Variants in COL27A1 observed in about 807,000 individuals in gnomAD.
COL27A1 encodes collagen alpha-1(XXVII) chain.
Under a neutral mutation model 251.3 loss-of-function variants are expected in COL27A1, and 106 were observed. That is an observed-to-expected ratio of 0.42 (90% CI 0.36 to 0.50). The LOEUF is 0.50. Among genes scored for constraint, COL27A1 ranks in the 20% least tolerant of loss-of-function variants. The pLI is 0.00. For missense variants in COL27A1, 2,325 were observed against 2,522.8 expected, an observed-to-expected ratio of 0.92 and a Z score of 1.68; for synonymous variants, 1,000 against 986.3, an observed-to-expected ratio of 1.01 and a Z score of -0.26.
At chr9:114,285,714 G>T (rs1010271582) in intron 41 of COL27A1, among the ~76,000 whole-genome samples, 11 of 152,244 alleles carry the variant, frequency 7.2e-5, no homozygotes, top group African/African-American at 2.7e-4. Context: ...GGAAGCCACA[G>T]AAGGTGCCAC....
At chr9:114,224,818 A>G (rs1831360193) in intron 14 of COL27A1, among the ~76,000 whole-genome samples, 1 of 151,720 alleles carries the variant, frequency 6.6e-6, no homozygotes, top group Admixed American at 6.6e-5. Flanking sequence ...ATGCCCAGCT[A>G]ATTTTAGTAT....
chr9:114,266,631 G>T lies in COL27A1; in HGVS notation c.3447+13G>T, dbSNP rs749545114. ...GATGGGACCCAAGGTGAGTGTGAGA[G>T]ACCCTTATTCGTCCCATGATGCTGC... is the stretch of plus-strand genomic sequence containing the variant. On this transcript the variant is annotated intron_variant, in intron 33 of 60. Transcript: ENST00000356083. 6.2e-7 allele frequency: 1 copy of T among 1,612,536 alleles called. No homozygotes were observed. Among genetic ancestry groups the T allele is most frequent in the Non-Finnish European group, 8.5e-7 (1 of 1,178,632 alleles).
intron 5 of COL27A1, among the ~76,000 whole-genome samples, chr9:114,187,770 T>G (rs1452139012): frequency 2.6e-5 from 4 of 152,244 alleles, no homozygotes; most frequent in Non-Finnish European, 5.9e-5. Flanking sequence ...TTATCAACAC[T>G]AATATCCCAT....
chr9:114,289,007 G>A (rs1827714866), intron 44 of COL27A1, 40 bp downstream of exon 44: 11 of 1,608,566 alleles, frequency 6.8e-6, no homozygotes, highest in Non-Finnish European at 8.5e-6. Context: ...CTCCCACCCT[G>A]AGTGGGGCGG....
intron 19 of COL27A1, 23 bp downstream of exon 19, chr9:114,237,738 G>C: frequency 1.2e-6 from 2 of 1,604,348 alleles, no homozygotes; most frequent in Non-Finnish European, 1.7e-6. Flanking sequence ...CCATTTCTCC[G>C]TGTCTGGCTG....
intron 2 of COL27A1, 23 bp from the exon 3 acceptor site, chr9:114,167,666 C>T (rs1384281039): frequency 6.3e-7 from 1 of 1,588,292 alleles, no homozygotes; most frequent in East Asian, 2.2e-5. Flanking sequence ...ACTGCGTCCT[C>T]TCCCCTTTTC....
chr9:114,204,682 G>A (rs946220232), intron 7 of COL27A1, among the ~76,000 whole-genome samples: 1 of 152,138 alleles, frequency 6.6e-6, no homozygotes, highest in Non-Finnish European at 1.5e-5. Context: ...CCCGTGTGAC[G>A]TGGTGGCTCA....
intron 41 of COL27A1, among the ~76,000 whole-genome samples, chr9:114,286,721 C>T (rs900792554): frequency 8.6e-5 from 13 of 151,182 alleles, no homozygotes; most frequent in African/African-American, 3.2e-4. Context: ...TGCACATGTA[C>T]CCTAAAACTT....
chr9:114,221,951 C>T (rs555163241), intron 13 of COL27A1, among the ~76,000 whole-genome samples: 26 of 152,356 alleles, frequency 1.7e-4, no homozygotes, highest in Admixed American at 1.1e-3. Flanking sequence ...ATCGCGATTC[C>T]GCTCCTTCCT....
At position 114,310,763 on chromosome 9, in the gene COL27A1, G is replaced by C; in HGVS notation, c.*68G>C. 5 of 1,566,948 alleles carry C rather than the reference G, an allele frequency of 3.2e-6. No individual in the cohort carries two copies. The highest frequency in any genetic ancestry group is 4.4e-6 in the Non-Finnish European group (5 of 1,144,806). On this transcript the variant is annotated 3_prime_UTR_variant, in exon 61 of 61. Transcript: ENST00000356083. ...GAGGAAGAGGCAAGGGGAGGGTACT[G>C]AGGGGCAGATGGCTCCAGGAGAGGC...
At chr9:114,160,155 ATTTTTT>A (rs3034121) in intron 1 of COL27A1, among the ~76,000 whole-genome samples, 1 of 142,350 alleles carries the variant, frequency 7.0e-6, no homozygotes, top group Non-Finnish European at 1.5e-5. Flanking sequence ...TTTAAAGTCT[ATTTTTT>A]TTTTTTTTTT....
rs764539744 is a variant in COL27A1, at chr9:114,237,687, T to C, written c.2699T>C (p.Ile900Thr). The change falls in exon 19 of 61, where the codon ATT (isoleucine) becomes ACT (threonine). Residue 900 changes from isoleucine (I) to threonine (T), a missense_variant. By Grantham distance (89) the Ile-to-Thr change is moderately conservative (BLOSUM62 -1). Transcript: ENST00000356083. ...PLGKVGDKGS[I>T]GFPGPPGPEG... ...GGCAAAGTCGGAGACAAAGGATCCA[T>C]TGGGTTTCCCGGGCCCCCTGGACCC... 5.0e-6 allele frequency: 8 copies of C among 1,613,978 alleles called. No homozygotes were observed. The highest frequency in any genetic ancestry group is 6.8e-6 in the Non-Finnish European group (8 of 1,179,992).
chr9:114,200,608 C>T (rs1829494996), intron 7 of COL27A1, among the ~76,000 whole-genome samples: 1 of 152,280 alleles, frequency 6.6e-6, no homozygotes, highest in East Asian at 1.9e-4. Flanking sequence ...CTGGCTGTGC[C>T]ATGATGGACT....
rs144269050 is a variant in COL27A1, at chr9:114,301,289, G to A, written c.4761G>A (p.Pro1587=). The change falls in exon 53 of 61, where the codon CCG becomes CCA. Residue 1587 remains proline, a synonymous_variant. Transcript: ENST00000356083. ...TGGGCCGTGGTTTGTTGCAGGGTCC[G>A]AAGGGTGACAAAGGCAGCCGTGGGG... The part of the protein sequence containing the change: ...GILGPSGLPG[P]KGDKGSRGDW... 96 of 1,610,554 alleles carry A rather than the reference G, an allele frequency of 6.0e-5. No homozygotes were observed. The highest frequency in any genetic ancestry group is 4.5e-4 in the Admixed American group (27 of 59,770).
intron 5 of COL27A1, among the ~76,000 whole-genome samples, chr9:114,186,736 A>G (rs960916619): frequency 3.3e-5 from 5 of 152,222 alleles, no homozygotes; most frequent in African/African-American, 1.2e-4. Flanking sequence ...TTTCAGCAGA[A>G]TTGACATGAC....
Position 114,222,235 on chromosome 9 carries a change from C to G in COL27A1, c.2434C>G (p.Leu812Val), listed in dbSNP as rs1831162244. 6.2e-7 allele frequency: 1 copy of G among 1,613,838 alleles called. No individual in the cohort carries two copies. Among genetic ancestry groups the G allele is most frequent in the African/African-American group, 1.3e-5 (1 of 75,056 alleles). ...TCTCTATCTGCAGGGAGAACTGGGC[C>G]TGCCAGGCCCCCCTGGAGTCCCCGG... The part of the protein sequence containing the change: ...GLDGNPGELG[L>V]PGPPGVPGLI... The change falls in exon 14 of 61, where the codon CTG becomes GTG. Residue 812 changes from leucine (L) to valine (V), a missense_variant. By Grantham distance (32) the Leu-to-Val change is conservative (BLOSUM62 1). Coordinates refer to ENST00000356083, the MANE Select transcript of COL27A1 (RefSeq NM_032888.4).
intron 37 of COL27A1, among the ~76,000 whole-genome samples, chr9:114,279,633 G>T (rs1588859643): frequency 6.6e-6 from 1 of 152,276 alleles, no homozygotes; most frequent in East Asian, 1.9e-4. Context: ...GAGCCTAAAA[G>T]TGCAAGACCA....
At chr9:114,250,748 C>A in intron 25 of COL27A1, 80 bp downstream of exon 25, 1 of 1,314,600 alleles carries the variant, frequency 7.6e-7, no homozygotes, top group Non-Finnish European at 1.1e-6. Context: ...GCCCTTTGAC[C>A]TGGGGATTTC....
intron 28 of COL27A1, among the ~76,000 whole-genome samples, chr9:114,262,928 T>A (rs1310397021): frequency 7.0e-6 from 1 of 143,678 alleles, no homozygotes. Context: ...ATTGAAAATT[T>A]CCTTGTTTGA....
Sources: allele counts gnomAD v4.1 joint callset (sites outside exome capture counted in the v4.1 genomes callset), GRCh38; gene constraint gnomAD v4.1.1; transcripts MANE v1.5; gene names NCBI Gene and HGNC (gene_info 2026-07-23, HGNC 2026-07-21).